DACH2: variants seen among roughly 807,000 people sequenced by gnomAD.
DACH2 encodes dachshund homolog 2.
Under a neutral mutation model 35.8 loss-of-function variants are expected in DACH2, and 17 were observed. The observed-to-expected ratio is 0.48, with a 90% CI of 0.33 to 0.71. The LOEUF (loss-of-function observed/expected upper bound fraction) is 0.71. DACH2 is among the 30% of genes least tolerant of loss of function. DACH2 has a pLI of 0.02. For synonymous variants in DACH2, 195 were observed against 177.3 expected, an observed-to-expected ratio of 1.10 and a Z score of -0.79; for missense variants, 469 against 472.7, an observed-to-expected ratio of 0.99 and a Z score of 0.07.
At chrX:86,610,000 C>T (rs920685961) in intron 3 of DACH2, among the ~76,000 whole-genome samples, 1 of 111,644 alleles carries the variant, frequency 9.0e-6, no homozygotes, top group Non-Finnish European at 1.9e-5. Flanking sequence ...TGGGAATTTA[C>T]AATCAGCAGT....
At chrX:86,719,517 C>T (rs2041376734) in intron 6 of DACH2, among the ~76,000 whole-genome samples, 1 of 111,305 alleles carries the variant, frequency 9.0e-6, no homozygotes, top group Admixed American at 9.6e-5. Context: ...GAAGAAATAC[C>T]TGAGACTGGG....
chrX:86,304,766 A>C (rs1028660092), intron 1 of DACH2: 1 of 160,967 alleles, frequency 6.2e-6, no homozygotes, highest in African/African-American at 3.1e-5. Context: ...CGACCTAAGC[A>C]ATATGGAAGT....
chrX:86,789,209 A>G (rs2147320453), intron 7 of DACH2, among the ~76,000 whole-genome samples: 1 of 112,137 alleles, frequency 8.9e-6, no homozygotes, highest in Admixed American at 9.5e-5. Flanking sequence ...TGGTTTCAGT[A>G]ATGGAAAAGG....
chrX:86,585,953 G>A (rs979535003), intron 3 of DACH2, among the ~76,000 whole-genome samples: 22 of 111,433 alleles, frequency 2.0e-4, no homozygotes, highest in African/African-American at 7.2e-4. Context: ...TAGGTCGAAT[G>A]GTAATTCTGT....
intron 2 of DACH2, among the ~76,000 whole-genome samples, chrX:86,447,042 C>T (rs1284444264): frequency 8.3e-5 from 6 of 72,260 alleles, no homozygotes; most frequent in Non-Finnish European, 1.3e-4. Context: ...TCTCTGATGG[C>T]CAGTGATGAT....
chrX:86,355,060 C>T (rs2035620419), intron 1 of DACH2, among the ~76,000 whole-genome samples: 1 of 111,512 alleles, frequency 9.0e-6, no homozygotes, highest in African/African-American at 3.3e-5. Context: ...GATCCTCACC[C>T]TCCACCCTCA....
chrX:86,446,152 C>T (rs1453979710), intron 2 of DACH2, among the ~76,000 whole-genome samples: 2 of 110,856 alleles, frequency 1.8e-5, no homozygotes, highest in Non-Finnish European at 1.9e-5. Context: ...AAGTTACCTG[C>T]TACAAGTATA....
At chrX:86,480,365 G>A (rs942184779) in intron 2 of DACH2, among the ~76,000 whole-genome samples, 3 of 112,090 alleles carry the variant, frequency 2.7e-5, no homozygotes, top group Non-Finnish European at 5.6e-5. Context: ...AGGTGGGGGT[G>A]AAATGATACA....
intron 3 of DACH2, among the ~76,000 whole-genome samples, chrX:86,646,047 G>T (rs2040411124): frequency 9.0e-6 from 1 of 111,117 alleles, no homozygotes. Context: ...CCCCAAGCCT[G>T]AAATAAAAAG....
At chrX:86,280,687 G>T (rs1602350041) in intron 1 of DACH2, among the ~76,000 whole-genome samples, 2 of 112,069 alleles carry the variant, frequency 1.8e-5, no homozygotes, top group East Asian at 5.6e-4. Context: ...ACCCATTGTG[G>T]TGCTGTATTC....
At chrX:86,808,925 A>G (rs1235541261) in intron 7 of DACH2, among the ~76,000 whole-genome samples, 1 of 111,369 alleles carries the variant, frequency 9.0e-6, no homozygotes, top group Non-Finnish European at 1.9e-5. Context: ...TGATTTTTCT[A>G]TTTTGAGTAT....
intron 3 of DACH2, among the ~76,000 whole-genome samples, chrX:86,538,732 A>G (rs1279816432): frequency 9.1e-6 from 1 of 109,898 alleles, no homozygotes; most frequent in Non-Finnish European, 1.9e-5. Flanking sequence ...TGACCCAAAC[A>G]CCTCCCCTTA....
At chrX:86,566,339 T>A (rs2039292339) in intron 3 of DACH2, among the ~76,000 whole-genome samples, 1 of 111,653 alleles carries the variant, frequency 9.0e-6, no homozygotes, top group Admixed American at 9.6e-5. Context: ...GCCTGTAACA[T>A]TTGTTTATAA....
chrX:86,285,312 T>C (rs1393493528), intron 1 of DACH2, among the ~76,000 whole-genome samples: 4 of 112,068 alleles, frequency 3.6e-5, no homozygotes, highest in African/African-American at 9.7e-5. Context: ...TATGCACTTA[T>C]AGCTGTAAAC....
At chrX:86,318,194 T>C in intron 1 of DACH2, among the ~76,000 whole-genome samples, 1 of 111,982 alleles carries the variant, frequency 8.9e-6, no homozygotes. Flanking sequence ...TGTTAAAGGC[T>C]GTAGTTAGCT....
At chrX:86,414,916 A>G (rs1039293863) in intron 2 of DACH2, among the ~76,000 whole-genome samples, 1 of 111,645 alleles carries the variant, frequency 9.0e-6, no homozygotes, top group African/African-American at 3.3e-5. Context: ...GGTTCCCTAG[A>G]GGGACAGGAC....
intron 5 of DACH2, among the ~76,000 whole-genome samples, chrX:86,705,056 T>TATATATATATCTCACATATAC (rs2041197696): frequency 9.3e-6 from 1 of 107,124 alleles, no homozygotes; most frequent in African/African-American, 3.4e-5. Flanking sequence ...CTCACATATA[T>TATATATATATCTCACATATAC]ATATATATAT....
At chrX:86,386,704 T>C (rs987400764) in intron 2 of DACH2, among the ~76,000 whole-genome samples, 2 of 111,561 alleles carry the variant, frequency 1.8e-5, no homozygotes, top group Non-Finnish European at 3.8e-5. Context: ...CCTGCGTACC[T>C]TTGACATGCC....
At chrX:86,154,472 C>T (rs1366915689) in intron 1 of DACH2, among the ~76,000 whole-genome samples, 1 of 111,553 alleles carries the variant, frequency 9.0e-6, no homozygotes, top group Non-Finnish European at 1.9e-5. Flanking sequence ...CTGCAAAACT[C>T]TTCACTGTCA....
Sources: allele counts gnomAD v4.1 joint callset (sites outside exome capture counted in the v4.1 genomes callset), GRCh38; gene constraint gnomAD v4.1.1; transcripts MANE v1.5; gene names NCBI Gene and HGNC (gene_info 2026-07-23, HGNC 2026-07-21).